The following CCDC33 variants were observed in gnomAD, a reference collection of about 807,000 sequenced individuals.
CCDC33 encodes coiled-coil domain-containing protein 33.
A neutral mutation model predicts 91.9 loss-of-function variants in CCDC33; 94 were observed. The ratio of observed to expected loss-of-function variants is 1.02; its 90% CI spans 0.87 to 1.21. The LOEUF is 1.21. CCDC33 is among the 50% of genes most tolerant of loss of function. The pLI, the probability that CCDC33 is intolerant of heterozygous loss-of-function variation, is 0.00. For missense variants in CCDC33, 940 were observed against 935.5 expected (o/e 1.00, Z -0.06); for synonymous variants, 396 against 374.5 (o/e 1.06, Z -0.66).
chr15:74,267,859 G>A (rs78990970), intron 4 of CCDC33, among the ~76,000 whole-genome samples: 2,416 of 152,066 alleles, frequency 0.016, 52 homozygotes, highest in East Asian at 0.073. Flanking sequence ...TCCCTCCTCC[G>A]GGCCAGCACT....
intron 10 of CCDC33, among the ~76,000 whole-genome samples, chr15:74,291,623 A>G (rs1055781281): frequency 6.6e-6 from 1 of 152,242 alleles, no homozygotes; most frequent in South Asian, 2.1e-4. Context: ...GCGGGGCGAG[A>G]GGCAGGCAGG....
chr15:74,236,589 C>T lies in CCDC33; in HGVS notation c.-131C>T. 1 of 629,414 alleles carries T rather than the reference C, an allele frequency of 1.6e-6. No individual in the cohort carries two copies. The highest frequency in any genetic ancestry group is 2.7e-5 in the Admixed American group (1 of 37,652). The allele number at this position is 629,414 out of a possible 1,614,324, so 39.0% of individuals were successfully genotyped here. ...GAGACCACATTGACCTCCATACTGT[C>T]TACTACCCATAAGGACTCCAAGACG... On this transcript the variant is annotated 5_prime_UTR_variant, in exon 1 of 19. Coordinates refer to ENST00000398814, the MANE Select transcript of CCDC33 (RefSeq NM_025055.5).
upstream of CCDC33, among the ~76,000 whole-genome samples, chr15:74,213,724 T>G (rs1164484852): frequency 6.6e-6 from 1 of 152,210 alleles, no homozygotes; most frequent in Non-Finnish European, 1.5e-5. Flanking sequence ...GTGATCCTGT[T>G]GCCCTGTGGG....
chr15:74,318,322 G>T (rs939542616), intron 11 of CCDC33, among the ~76,000 whole-genome samples: 1 of 152,128 alleles, frequency 6.6e-6, no homozygotes, highest in Non-Finnish European at 1.5e-5. Flanking sequence ...TCTGAGCCTG[G>T]GCCAGGGGAG....
At chr15:74,282,240 G>A (rs2059382803) in intron 10 of CCDC33, among the ~76,000 whole-genome samples, 1 of 152,228 alleles carries the variant, frequency 6.6e-6, no homozygotes, top group Non-Finnish European at 1.5e-5. Context: ...AGGGTGGCTG[G>A]AATCAAGATG....
intron 7 of CCDC33, among the ~76,000 whole-genome samples, chr15:74,275,685 T>C (rs2076430866): frequency 6.6e-6 from 1 of 152,010 alleles, no homozygotes; most frequent in Non-Finnish European, 1.5e-5. Context: ...TCTCTTTTTT[T>C]TTTTGCGACC....
In CCDC33 at chr15:74,280,266, C is replaced by T. The variant is rs188873868; in HGVS notation, c.889+174C>T. On this transcript the variant is annotated intron_variant, in intron 8 of 18. Transcript: ENST00000398814. ...CTGGCTGCGTTCCTTGTCCACAGGC[C>T]AGGACACGTGGGCCTGTCCCATACT... 5.1e-3 allele frequency among the ~76,000 whole-genome samples: 771 copies of T among 152,310 alleles called. 8 individuals carry two copies. Among genetic ancestry groups the T allele is most frequent in the Non-Finnish European group, 4.8e-3 (328 of 68,016 alleles).
chr15:74,282,597 A>G (rs888492088), intron 10 of CCDC33, among the ~76,000 whole-genome samples: 1 of 152,222 alleles, frequency 6.6e-6, no homozygotes, highest in Admixed American at 6.5e-5. Context: ...CCTATCTTAA[A>G]GTCAACGGTG....
At chr15:74,249,365 G>A (rs566376105) in intron 2 of CCDC33, among the ~76,000 whole-genome samples, 2 of 152,136 alleles carry the variant, frequency 1.3e-5, no homozygotes, top group Admixed American at 6.5e-5. Context: ...GCGGGTGCCT[G>A]TAGTCCCAGC....
intron 11 of CCDC33, among the ~76,000 whole-genome samples, chr15:74,323,815 T>C (rs2060253190): frequency 6.7e-6 from 1 of 148,364 alleles, no homozygotes; most frequent in African/African-American, 2.5e-5. Context: ...AGGGTTAAGC[T>C]GCCGGTTGGT....
chr15:74,323,175 A>G (rs891944052), intron 11 of CCDC33, among the ~76,000 whole-genome samples: 3 of 152,040 alleles, frequency 2.0e-5, no homozygotes, highest in Non-Finnish European at 4.4e-5. Context: ...CCTTACCCAC[A>G]GCACCCAGCA....
intron 10 of CCDC33, among the ~76,000 whole-genome samples, chr15:74,289,904 A>G (rs529972067): frequency 6.6e-6 from 1 of 152,348 alleles, no homozygotes; most frequent in South Asian, 2.1e-4. Context: ...GATGACTGAG[A>G]AAACTGGACA....
chr15:74,218,449 T>G lies in CCDC33; in HGVS notation c.311-48T>G. On this transcript the variant is annotated intron_variant, in intron 1 of 2. Coordinates refer to the CCDC33 transcript ENST00000635913. The surrounding 1 kb of genome is among the most constrained non-coding windows in gnomAD (Gnocchi z 4.8). ...CCTGTCCTCCTAGTCACCTGGCAGA[T>G]GCAGAGAAACCTGAGACCATCTCTG... 3 of 1,234,792 alleles carry G rather than the reference T, an allele frequency of 2.4e-6. No homozygotes were observed. The South Asian group carries it at 4.2e-5, about 17-fold the overall frequency. The allele number at this position is 1,234,792 out of a possible 1,614,324, so 76.5% of individuals were successfully genotyped here.
At chr15:74,335,594 G>A (rs530458849) in intron 18 of CCDC33, 44 of 347,886 alleles carry the variant, frequency 1.3e-4, no homozygotes, top group African/African-American at 4.5e-4. Flanking sequence ...GCCCAGCCCC[G>A]CAAAGCAAAG....
At chr15:74,230,195 A>C (rs76467604) in intron 2 of CCDC33, among the ~76,000 whole-genome samples, 1 of 152,080 alleles carries the variant, frequency 6.6e-6, no homozygotes. Context: ...GGTCCTACTA[A>C]GGTGTTTTTT....
At chr15:74,318,083 C>T (rs1463990847) in intron 11 of CCDC33, among the ~76,000 whole-genome samples, 1 of 131,796 alleles carries the variant, frequency 7.6e-6, no homozygotes, top group Non-Finnish European at 1.6e-5. Flanking sequence ...GCTTGTGCTG[C>T]TGCGGGGTGG....
chr15:74,331,125 G>A lies in CCDC33; in HGVS notation c.1677+13G>A, dbSNP rs1356410418. The A allele has an allele frequency of 6.2e-7, 1 of 1,613,334 alleles. No individual in the cohort carries two copies. Among genetic ancestry groups the A allele is most frequent in the Non-Finnish European group, 8.5e-7 (1 of 1,179,526 alleles). On this transcript the variant is annotated intron_variant, in intron 14 of 18. Coordinates refer to ENST00000398814, the MANE Select transcript of CCDC33 (RefSeq NM_025055.5). ...GCACCAAGAGAAGGCAGGTGGCAGA[G>A]GGGCTGCCCCCGAGGCCAACTGATG...
chr15:74,236,513 C>A lies in CCDC33; in HGVS notation c.-207C>A. 2.6e-6 allele frequency: 1 copy of A among 392,074 alleles called. No individual in the cohort carries two copies. The highest frequency in any genetic ancestry group is 4.7e-6 in the Non-Finnish European group (1 of 211,910). 24.3% of individuals were successfully genotyped at this position (392,074 alleles called of 1,614,324 possible). A position where few individuals can be genotyped will look rare whatever the true frequency, so the allele number is the denominator to read the frequency against. On this transcript the variant is annotated 5_prime_UTR_variant, in exon 1 of 19. Transcript: ENST00000398814. Reference sequence around the variant, plus strand: ...TCCAGGACCTGCTCCCACCTGGCCACCCTCCCCCTCCCCCCACATCCAGGC... The same window carrying A: ...TCCAGGACCTGCTCCCACCTGGCCAACCTCCCCCTCCCCCCACATCCAGGC...
Position 74,295,751 on chromosome 15 carries a change from C to T in CCDC33, c.1096-3C>T. ...GAAGTTTCTCTGCACCTTCTCTTCT[C>T]AGAGACCAGAAAACTTCTTGACACC... is the stretch of plus-strand genomic sequence containing the variant. On this transcript the variant is annotated splice_region_variant and splice_polypyrimidine_tract_variant and intron_variant, in intron 10 of 18. Coordinates refer to ENST00000398814, the MANE Select transcript of CCDC33 (RefSeq NM_025055.5). 4.3e-6 allele frequency: 7 copies of T among 1,610,266 alleles called. No individual in the cohort carries two copies. Among genetic ancestry groups the T allele is most frequent in the Non-Finnish European group, 5.1e-6 (6 of 1,178,406 alleles).
Sources: gnomAD v4.1 joint callset for allele counts (sites outside exome capture counted in the v4.1 genomes callset) on GRCh38, gnomAD v4.1.1 for gene constraint, Gnocchi (gnomAD v3.1) non-coding constraint, MANE v1.5 for transcripts, NCBI Gene and HGNC (gene_info 2026-07-23, HGNC 2026-07-21) for gene names.